The following SLC27A2 variants were observed in gnomAD, a reference collection of about 807,000 sequenced individuals.
SLC27A2 encodes solute carrier family 27 member 2, also known as long-chain fatty acid transport protein 2.
SLC27A2 carries 54 observed loss-of-function variants against 60.0 expected under a neutral mutation model. The observed-to-expected ratio is 0.90, with a 90% CI of 0.72 to 1.13. The LOEUF is 1.13. Among genes scored for constraint, SLC27A2 ranks in the 50% most tolerant of loss-of-function variants. The pLI, the probability that SLC27A2 is intolerant of heterozygous loss-of-function variation, is 0.00. For missense variants in SLC27A2, 739 were observed against 777.6 expected (o/e 0.95, Z 0.59); for synonymous variants, 297 against 297.6 (o/e 1.00, Z 0.02).
intron 1 of SLC27A2, among the ~76,000 whole-genome samples, chr15:50,189,115 G>T (rs914300058): frequency 1.3e-5 from 2 of 152,114 alleles, no homozygotes; most frequent in Non-Finnish European, 2.9e-5. Context: ...GGTTGATTGT[G>T]ACAGGCTTTC....
At chr15:50,229,303 A>G (rs1360004253) in intron 8 of SLC27A2, among the ~76,000 whole-genome samples, 1 of 152,224 alleles carries the variant, frequency 6.6e-6, no homozygotes, top group African/African-American at 2.4e-5. Flanking sequence ...TGGGAGCTCC[A>G]TGCCACATTT....
At chr15:50,184,465 C>A (rs1486909634) in intron 1 of SLC27A2, among the ~76,000 whole-genome samples, 1 of 152,144 alleles carries the variant, frequency 6.6e-6, no homozygotes. Flanking sequence ...AACCAGGAAT[C>A]TTACACACCT....
Position 50,182,436 on chromosome 15 carries a change from CGCCATCT to C in SLC27A2, c.10_16del (p.Ala4ThrfsTer14). 6.3e-7 allele frequency: 1 copy of C among 1,595,144 alleles called. No homozygotes were observed. The highest frequency in any genetic ancestry group is 8.6e-7 in the Non-Finnish European group (1 of 1,167,732). Reference sequence around the variant, plus strand: ...AGGGCCCCGCAGCCGTCATGCTTTCCGCCATCTACACAGTCCTGGCGGGACTGCTGTT... The same window carrying C: ...AGGGCCCCGCAGCCGTCATGCTTTCCACACAGTCCTGGCGGGACTGCTGTT... On this transcript the variant is annotated frameshift_variant, in exon 1 of 10. Transcript: ENST00000267842. LOFTEE classifies it high-confidence loss of function.
At chr15:50,192,718 T>C (rs1376748180) in intron 1 of SLC27A2, among the ~76,000 whole-genome samples, 1 of 150,900 alleles carries the variant, frequency 6.6e-6, no homozygotes, top group African/African-American at 2.4e-5. Context: ...CTAATATTTC[T>C]TTGTGTGTGT....
In SLC27A2 at chr15:50,185,562, TA is replaced by T. The variant is rs34656914; in HGVS notation, c.478+2667del. Among the ~76,000 whole-genome samples, 523 of 141,444 alleles carry T rather than the reference TA, an allele frequency of 3.7e-3. 2 individuals are homozygous for T. Among genetic ancestry groups the T allele is most frequent in the Non-Finnish European group, 5.6e-3 (365 of 65,112 alleles). 92.8% of individuals were successfully genotyped at this position (141,444 alleles called of 152,430 possible). ...TAAGTTTAATGAATGTGTTATACTT[TA>T]AAAAAAAAAGTTTACAGAAGAAACT... On this transcript the variant is annotated intron_variant, in intron 1 of 9. Coordinates refer to ENST00000267842, the MANE Select transcript of SLC27A2 (RefSeq NM_003645.4).
At chr15:50,219,231 T>C (rs2045225928) in intron 4 of SLC27A2, among the ~76,000 whole-genome samples, 3 of 152,152 alleles carry the variant, frequency 2.0e-5, no homozygotes, top group Non-Finnish European at 4.4e-5. Flanking sequence ...GCATTTAATT[T>C]AGAATTTAAT....
intron 4 of SLC27A2, among the ~76,000 whole-genome samples, chr15:50,214,225 T>A (rs184600803): frequency 1.4e-3 from 214 of 152,194 alleles, no homozygotes; most frequent in Middle Eastern, 6.8e-3. Context: ...GCTAGATACA[T>A]TCCTGGAAAA....
At chr15:50,196,064 A>AAAATAAAAAAAAAAAAAAT (rs1269591852) in intron 1 of SLC27A2, among the ~76,000 whole-genome samples, 1 of 21,420 alleles carries the variant, frequency 4.7e-5, no homozygotes, top group Non-Finnish European at 1.0e-4. Context: ...AAAAAAAAAA[A>AAAATAAAAAAAAAAAAAAT]AAAAAAAAAA....
intron 2 of SLC27A2, among the ~76,000 whole-genome samples, chr15:50,201,575 A>C (rs1337562732): frequency 6.7e-6 from 1 of 149,068 alleles, no homozygotes; most frequent in Non-Finnish European, 1.5e-5. Context: ...TTTTTTTTTG[A>C]GATGGAGTCT....
At chr15:50,221,768 C>T (rs1250601970) in intron 4 of SLC27A2, 1 of 152,210 alleles carries the variant, frequency 6.6e-6, no homozygotes, top group Non-Finnish European at 1.5e-5. Context: ...GAATAAAGGT[C>T]ATAGAGTAAC....
chr15:50,213,067 C>G (rs1278649136), intron 4 of SLC27A2, among the ~76,000 whole-genome samples: 1 of 152,152 alleles, frequency 6.6e-6, no homozygotes, highest in Non-Finnish European at 1.5e-5. Context: ...ACTCACCTAG[C>G]ACATAAGGAC....
intron 2 of SLC27A2, among the ~76,000 whole-genome samples, chr15:50,201,055 G>A (rs922395260): frequency 2.6e-5 from 4 of 152,120 alleles, no homozygotes; most frequent in African/African-American, 7.2e-5. Context: ...ACAGTGGCAG[G>A]ATCAGGGCTC....
At position 50,182,538 on chromosome 15, in the gene SLC27A2, C is replaced by T. The variant is rs765807138; in HGVS notation, c.111C>T (p.Ala37=). 6.2e-6 allele frequency: 10 copies of T among 1,612,670 alleles called. No individual in the cohort carries two copies. The East Asian group carries it at 2.2e-4, about 36-fold the overall frequency. The change falls in exon 1 of 10, where the codon GCC becomes GCT. Residue 37 remains alanine (A), a synonymous_variant. Coordinates refer to ENST00000267842, the MANE Select transcript of SLC27A2 (RefSeq NM_003645.4). ...FQDIGYFLKV[A]AVGRRVRSYG... is the part of the protein sequence containing the mutation. ...ACATAGGCTACTTCTTGAAGGTGGC[C>T]GCCGTGGGCCGGAGGGTGCGCAGCT... is the stretch of plus-strand genomic sequence containing the variant.
At chr15:50,217,227 T>G (rs2045205229) in intron 4 of SLC27A2, among the ~76,000 whole-genome samples, 1 of 152,082 alleles carries the variant, frequency 6.6e-6, no homozygotes, top group Non-Finnish European at 1.5e-5. Flanking sequence ...ATACCATCGG[T>G]ACCCCCAAGA....
intron 4 of SLC27A2, among the ~76,000 whole-genome samples, chr15:50,215,072 G>A (rs1021452773): frequency 5.3e-5 from 8 of 152,010 alleles, no homozygotes; most frequent in Admixed American, 4.6e-4. Context: ...AACTCTTAAG[G>A]ACTCCTCTAG....
At position 50,203,026 on chromosome 15, in the gene SLC27A2, T is replaced by A. The variant is rs201532918; in HGVS notation, c.847+381T>A. Among the ~76,000 whole-genome samples, 312 of 53,448 alleles carry A rather than the reference T, an allele frequency of 5.8e-3. 3 individuals are homozygous for A. The highest frequency in any genetic ancestry group is 0.051 in the South Asian group (82 of 1,614). 35.1% of individuals were successfully genotyped at this position (53,448 alleles called of 152,430 possible). A position where few individuals can be genotyped will look rare whatever the true frequency, so the allele number is the denominator to read the frequency against. On this transcript the variant is annotated intron_variant, in intron 3 of 9. Transcript: ENST00000267842. ...AAACCTCATCTCTAAAAAAAATATA[T>A]ATATATATATATATAGCCAGGCATG...
chr15:50,230,209 G>A (rs2045307894), intron 8 of SLC27A2, among the ~76,000 whole-genome samples: 1 of 147,690 alleles, frequency 6.8e-6, no homozygotes, highest in Non-Finnish European at 1.5e-5. Flanking sequence ...ACTCCAGCCT[G>A]GGCAACAGAG....
In SLC27A2 at chr15:50,182,563, T is replaced by G; in HGVS notation, c.136T>G (p.Tyr46Asp). The change falls in exon 1 of 10, where the codon TAC (tyrosine) becomes GAC (aspartate). Residue 46 changes from tyrosine (Y) to aspartate (D), a missense_variant. Physicochemically the swap from Tyr to Asp is radical, Grantham distance 160. Coordinates refer to ENST00000267842, the MANE Select transcript of SLC27A2 (RefSeq NM_003645.4). The stretch of plus-strand genomic sequence containing the variant: ...CGCCGTGGGCCGGAGGGTGCGCAGC[T>G]ACGGGAAGCGGCGGCCGGCGCGCAC... ...VAAVGRRVRS[Y>D]GKRRPARTIL... 1 of 1,613,062 alleles carries G rather than the reference T, an allele frequency of 6.2e-7. No homozygotes were observed. Among genetic ancestry groups the G allele is most frequent in the Non-Finnish European group, 8.5e-7 (1 of 1,179,494 alleles).
At chr15:50,201,477 T>C (rs1046564598) in intron 2 of SLC27A2, among the ~76,000 whole-genome samples, 6 of 151,816 alleles carry the variant, frequency 4.0e-5, no homozygotes, top group African/African-American at 1.5e-4. Context: ...ATAAGGGAAA[T>C]CTTTATGTAC....
Sources: allele counts gnomAD v4.1 joint callset (sites outside exome capture counted in the v4.1 genomes callset), GRCh38; gene constraint gnomAD v4.1.1; transcripts MANE v1.5; gene names NCBI Gene and HGNC (gene_info 2026-07-23, HGNC 2026-07-21).